DIAPH2: variants seen among roughly 807,000 people sequenced by gnomAD.
DIAPH2 encodes diaphanous related formin 2.
DIAPH2 carries 35 observed loss-of-function variants against 92.7 expected under a neutral mutation model. The ratio of observed to expected loss-of-function variants is 0.38; its 90% CI spans 0.29 to 0.50. The LOEUF (loss-of-function observed/expected upper bound fraction) is 0.50, where lower values mean the gene tolerates loss of function less well. Ranked by LOEUF, DIAPH2 falls within the 20% of genes least tolerant of loss-of-function variation. DIAPH2 has a pLI of 0.94. For synonymous variants in DIAPH2, 301 were observed against 280.4 expected, an observed-to-expected ratio of 1.07 and a Z score of -0.73; for missense variants, 701 against 819.5, an observed-to-expected ratio of 0.86 and a Z score of 1.77.
chrX:96,815,631 C>T (rs930278108), intron 4 of DIAPH2, among the ~76,000 whole-genome samples: 4 of 111,518 alleles, frequency 3.6e-5, no homozygotes, highest in South Asian at 3.7e-4. Context: ...AGCTGCAGAC[C>T]GGAGCTGTTC....
chrX:97,492,935 C>G (rs960227734), intron 26 of DIAPH2, among the ~76,000 whole-genome samples: 2 of 112,273 alleles, frequency 1.8e-5, no homozygotes, highest in South Asian at 7.4e-4. Flanking sequence ...ATTTCCTTGC[C>G]CAGATTTGAA....
intron 24 of DIAPH2, among the ~76,000 whole-genome samples, chrX:97,382,375 G>C (rs759977920): frequency 8.9e-6 from 1 of 112,208 alleles, no homozygotes; most frequent in South Asian, 3.7e-4. Context: ...CTTATCACTT[G>C]AGGTCAGGAG....
At chrX:97,014,773 A>G (rs184193680) in intron 17 of DIAPH2, among the ~76,000 whole-genome samples, 179 of 112,110 alleles carry the variant, frequency 1.6e-3, no homozygotes, top group Non-Finnish European at 2.5e-3. Flanking sequence ...CTAACCTCTT[A>G]CATCTCAGGT....
At chrX:96,840,908 C>G (rs896362294) in intron 4 of DIAPH2, among the ~76,000 whole-genome samples, 4 of 111,776 alleles carry the variant, frequency 3.6e-5, no homozygotes, top group Non-Finnish European at 7.5e-5. Flanking sequence ...CCACCGTGCC[C>G]GGCCCATTTT....
chrX:97,208,013 A>G (rs2067811813), intron 22 of DIAPH2, among the ~76,000 whole-genome samples: 1 of 110,919 alleles, frequency 9.0e-6, no homozygotes, highest in Non-Finnish European at 1.9e-5. Flanking sequence ...TTTCCCAGGC[A>G]TGGTGGAGCA....
At chrX:97,386,760 C>T (rs1394829852) in intron 25 of DIAPH2, among the ~76,000 whole-genome samples, 1 of 106,153 alleles carries the variant, frequency 9.4e-6, no homozygotes, top group Non-Finnish European at 1.9e-5. Flanking sequence ...TAGTAGGGGA[C>T]AGGGGACAGA....
intron 22 of DIAPH2, among the ~76,000 whole-genome samples, chrX:97,244,166 A>T (rs1168554929): frequency 1.8e-5 from 2 of 112,305 alleles, no homozygotes; most frequent in Non-Finnish European, 3.8e-5. Flanking sequence ...AGGACTAAAG[A>T]TTATACATGT....
At chrX:97,301,953 G>A (rs1486443242) in intron 23 of DIAPH2, among the ~76,000 whole-genome samples, 24 of 110,711 alleles carry the variant, frequency 2.2e-4, no homozygotes, top group African/African-American at 7.6e-4. Flanking sequence ...AGTGGCTCAC[G>A]CCTGTAATCC....
At chrX:97,263,237 A>G (rs1336512849) in intron 23 of DIAPH2, among the ~76,000 whole-genome samples, 1 of 112,015 alleles carries the variant, frequency 8.9e-6, no homozygotes, top group African/African-American at 3.2e-5. Context: ...GTTGTCAGTT[A>G]CATCACAGAT....
chrX:97,598,550 T>G (rs897631824), intron 26 of DIAPH2, among the ~76,000 whole-genome samples: 1 of 112,042 alleles, frequency 8.9e-6, no homozygotes, highest in African/African-American at 3.2e-5. Context: ...ATCATTGCAA[T>G]GCAGAGCTGT....
intron 17 of DIAPH2, among the ~76,000 whole-genome samples, chrX:97,016,664 A>G (rs1183890631): frequency 8.9e-6 from 1 of 112,018 alleles, no homozygotes; most frequent in Non-Finnish European, 1.9e-5. Flanking sequence ...ACCTTTGACA[A>G]GTTGCTTGCC....
chrX:97,274,305 C>T (rs1453587830), intron 23 of DIAPH2, among the ~76,000 whole-genome samples: 1 of 109,099 alleles, frequency 9.2e-6, no homozygotes, highest in African/African-American at 3.3e-5. Flanking sequence ...GTCAGGAGTT[C>T]AAGACCAGCC....
chrX:96,928,318 A>G (rs1429239189), intron 9 of DIAPH2, among the ~76,000 whole-genome samples: 1 of 111,090 alleles, frequency 9.0e-6, no homozygotes, highest in African/African-American at 3.3e-5. Context: ...TAATAATAAT[A>G]ATGGTGATAA....
At chrX:97,129,165 CTTTCT>C (rs2067119373) in intron 21 of DIAPH2, among the ~76,000 whole-genome samples, 6 of 68,897 alleles carry the variant, frequency 8.7e-5, no homozygotes, top group Admixed American at 5.8e-4. Flanking sequence ...CTTTTCTTTT[CTTTCT>C]TTTCTTTTCT....
chrX:96,855,384 A>G (rs895033206), intron 4 of DIAPH2, among the ~76,000 whole-genome samples: 5 of 111,035 alleles, frequency 4.5e-5, no homozygotes, highest in African/African-American at 9.8e-5. Context: ...ATATAAGAGC[A>G]AGGGCTATGC....
chrX:97,186,836 C>G (rs2067608537), intron 22 of DIAPH2, among the ~76,000 whole-genome samples: 1 of 111,938 alleles, frequency 8.9e-6, no homozygotes, highest in Admixed American at 9.5e-5. Context: ...TTTGCCTTGA[C>G]TCCTCATTTC....
chrX:97,086,416 G>A (rs1427262017), intron 19 of DIAPH2, among the ~76,000 whole-genome samples: 2 of 111,532 alleles, frequency 1.8e-5, no homozygotes, highest in Non-Finnish European at 3.8e-5. Flanking sequence ...GGGAGATATT[G>A]ATCAAAGAAT....
chrX:97,134,014 G>A (rs968787786), intron 21 of DIAPH2, among the ~76,000 whole-genome samples: 1 of 112,473 alleles, frequency 8.9e-6, no homozygotes, highest in African/African-American at 3.2e-5. Flanking sequence ...TTGAGCAGGA[G>A]TTGGAAGGCA....
chrX:97,487,971 C>CT (rs2070700636), intron 26 of DIAPH2, among the ~76,000 whole-genome samples: 1 of 111,593 alleles, frequency 9.0e-6, no homozygotes, highest in Non-Finnish European at 1.9e-5. Flanking sequence ...TATTTGGGAG[C>CT]TTTTTTGTTT....
Sources: gnomAD v4.1 joint callset for allele counts (sites outside exome capture counted in the v4.1 genomes callset) on GRCh38, gnomAD v4.1.1 for gene constraint, MANE v1.5 for transcripts, NCBI Gene and HGNC (gene_info 2026-07-23, HGNC 2026-07-21) for gene names.